DYNLT1: variants seen among roughly 807,000 people sequenced by gnomAD.
DYNLT1 encodes T-complex testis-specific protein 1 homolog.
In DYNLT1, 18 loss-of-function variants were observed where a neutral mutation model predicts 19.6. The observed-to-expected ratio is 0.92, with a 90% CI of 0.64 to 1.36. The LOEUF (loss-of-function observed/expected upper bound fraction) is 1.36, where lower values mean the gene tolerates loss of function less well. Ranked by LOEUF, DYNLT1 falls within the 40% of genes most tolerant of loss-of-function variation. The probability of loss-of-function intolerance (pLI) is 0.00; values close to 1 mark genes in which losing one functional copy is unlikely to be tolerated. For missense variants in DYNLT1, 137 were observed against 139.3 expected, an observed-to-expected ratio of 0.98 and a Z score of 0.08; for synonymous variants, 56 against 44.0, an observed-to-expected ratio of 1.27 and a Z score of -1.07.
chr6:158,637,275 G>A, intron 3 of DYNLT1, 70 bp from the exon 4 acceptor site: 1 of 1,410,528 alleles, frequency 7.1e-7, no homozygotes, highest in South Asian at 1.2e-5. Context: ...TCCACTTTTA[G>A]CAAACGTACA....
At chr6:158,640,177 C>G (rs1368523483) in intron 2 of DYNLT1, among the ~76,000 whole-genome samples, 2 of 152,068 alleles carry the variant, frequency 1.3e-5, no homozygotes, top group Non-Finnish European at 2.9e-5. Context: ...CCATGAAAAC[C>G]AAACGTACAG....
intron 2 of DYNLT1, among the ~76,000 whole-genome samples, chr6:158,640,118 C>T (rs1433183788): frequency 6.6e-6 from 1 of 152,216 alleles, no homozygotes; most frequent in African/African-American, 2.4e-5. Flanking sequence ...AATCCACCCA[C>T]CTTCCTGCCC....
At chr6:158,639,035 A>T (rs1787081718) in intron 2 of DYNLT1, among the ~76,000 whole-genome samples, 1 of 152,210 alleles carries the variant, frequency 6.6e-6, no homozygotes, top group Admixed American at 6.5e-5. Context: ...AACAACATTC[A>T]GTGAGGGCCA....
chr6:158,637,612 G>T, intron 3 of DYNLT1, 159 bp downstream of exon 3: 2 of 1,084,062 alleles, frequency 1.8e-6, no homozygotes, highest in East Asian at 2.5e-5. Context: ...GCAGCCAAAT[G>T]GTCAAGCGTA....
intron 2 of DYNLT1, among the ~76,000 whole-genome samples, chr6:158,638,188 C>T (rs186463349): frequency 2.0e-5 from 3 of 152,016 alleles, no homozygotes; most frequent in Non-Finnish European, 2.9e-5. Context: ...AGTATTTTGC[C>T]TATTCATTTC....
intron 2 of DYNLT1, among the ~76,000 whole-genome samples, chr6:158,639,810 A>G (rs1005837442): frequency 1.2e-4 from 19 of 152,044 alleles, no homozygotes; most frequent in Non-Finnish European, 1.5e-5. Flanking sequence ...CCTCCCAAGG[A>G]GCTGGGACTA....
intron 1 of DYNLT1, chr6:158,642,718 A>T (rs915261754): frequency 6.6e-6 from 1 of 152,260 alleles, no homozygotes; most frequent in East Asian, 1.9e-4. Flanking sequence ...GGATCCTTCC[A>T]AGTGACTACC....
intron 1 of DYNLT1, 77 bp from the exon 2 acceptor site, chr6:158,641,437 T>C (rs1019713764): frequency 4.1e-6 from 5 of 1,229,936 alleles, no homozygotes; most frequent in Non-Finnish European, 5.7e-6. Flanking sequence ...CAAATGTAGG[T>C]AATGAACATA....
At position 158,636,747 on chromosome 6, in the gene DYNLT1, A is replaced by AAG; in HGVS notation, c.*78_*79dup. On this transcript the variant is annotated 3_prime_UTR_variant, in exon 5 of 5. Coordinates refer to ENST00000367089, the MANE Select transcript of DYNLT1 (RefSeq NM_006519.4). Reference sequence around the variant, plus strand: ...TGCCACAAAACAAAGAGAATGAGAAAAGAGTTCACTGAATTCATGGCTGGT... The same window carrying AAG: ...TGCCACAAAACAAAGAGAATGAGAAAAGAGAGTTCACTGAATTCATGGCTGGT... 1 of 1,449,926 alleles carries AAG rather than the reference A, an allele frequency of 6.9e-7. No individual in the cohort carries two copies. The allele number at this position is 1,449,926 out of a possible 1,614,324, so 89.8% of individuals were successfully genotyped here.
chr6:158,638,214 T>C (rs1156884419), intron 2 of DYNLT1, among the ~76,000 whole-genome samples: 1 of 152,168 alleles, frequency 6.6e-6, no homozygotes, highest in Non-Finnish European at 1.5e-5. Flanking sequence ...AGTATATTAC[T>C]TTTATCTACT....
rs188545328 is a variant in DYNLT1 at position 158,637,667 on chromosome 6, T to G, written c.193+104A>C. ...CACGACCGACTCCCACCAGGAGCCTTCCTTGAGTTGAGCCACGTTAGCTGT... is the reference window on the plus strand; with the variant it reads ...CACGACCGACTCCCACCAGGAGCCTGCCTTGAGTTGAGCCACGTTAGCTGT... On this transcript the variant is annotated intron_variant, in intron 3 of 4. Transcript: ENST00000367089. 1.4e-5 allele frequency: 22 copies of G among 1,588,140 alleles called. No homozygotes were observed. The East Asian group carries it at 4.3e-4, about 31-fold the overall frequency.
intron 2 of DYNLT1, among the ~76,000 whole-genome samples, chr6:158,641,071 T>C (rs1449310315): frequency 6.6e-6 from 1 of 152,238 alleles, no homozygotes; most frequent in East Asian, 1.9e-4. Context: ...TAAAAGATTA[T>C]AGAATCAAAT....
In DYNLT1 at chr6:158,636,647, A is replaced by G. The variant is rs2128336717; in HGVS notation, c.*180T>C. ...GCAACGCAGGCTGCAGGTGACCTAC[A>G]GGGATACTCATCTGACTTCGGTGCC... On this transcript the variant is annotated 3_prime_UTR_variant, in exon 5 of 5. Transcript: ENST00000367089. 3 of 616,128 alleles carry G rather than the reference A, an allele frequency of 4.9e-6. No individual in the cohort carries two copies. Among genetic ancestry groups the G allele is most frequent in the South Asian group, 4.0e-5 (2 of 49,828 alleles). The allele number at this position is 616,128 out of a possible 1,614,324, so 38.2% of individuals were successfully genotyped here. A position where few individuals can be genotyped will look rare whatever the true frequency, so the allele number is the denominator to read the frequency against.
At chr6:158,641,276 A>G (rs1421755933) in intron 2 of DYNLT1, 43 bp downstream of exon 2, 9 of 1,540,878 alleles carry the variant, frequency 5.8e-6, no homozygotes, top group South Asian at 1.2e-5. Flanking sequence ...TTTCTCTAAT[A>G]TAAGCCATTA....
At chr6:158,641,446 T>C (rs1322260987) in intron 1 of DYNLT1, 86 bp from the exon 2 acceptor site, 11 of 1,223,506 alleles carry the variant, frequency 9.0e-6, no homozygotes, top group African/African-American at 6.2e-5. Context: ...GTAATGAACA[T>C]AATGTAGAAA....
chr6:158,641,175 G>C (rs570289673), intron 2 of DYNLT1, 144 bp downstream of exon 2: 1 of 627,616 alleles, frequency 1.6e-6, no homozygotes, highest in Non-Finnish European at 2.6e-6. Flanking sequence ...CTCTTATCTA[G>C]CTATTTACTG....
chr6:158,643,642 C>T (rs1197640136), intron 1 of DYNLT1, among the ~76,000 whole-genome samples: 2 of 152,042 alleles, frequency 1.3e-5, no homozygotes, highest in East Asian at 3.9e-4. Context: ...CCACCACGCC[C>T]GGCTAATTTT....
rs921142821 is a variant in DYNLT1, at chr6:158,636,478, G to A, written c.*349C>T. Reference sequence around the variant, plus strand: ...ACTATGAAGAACACAACAGACTTTAGATTTGAATAATTTATTCTAACAAAA... The same window carrying A: ...ACTATGAAGAACACAACAGACTTTAAATTTGAATAATTTATTCTAACAAAA... On this transcript the variant is annotated 3_prime_UTR_variant, in exon 5 of 5. Transcript: ENST00000367089. 7 of 261,224 alleles carry A rather than the reference G, an allele frequency of 2.7e-5. No homozygotes were observed. Among genetic ancestry groups the A allele is most frequent in the Admixed American group, 4.8e-5 (1 of 20,788 alleles). 16.2% of individuals were successfully genotyped at this position (261,224 alleles called of 1,614,324 possible).
Position 158,637,291 on chromosome 6 carries a change from T to G in DYNLT1, c.194-86A>C, listed in dbSNP as rs1297228630. Reference sequence around the variant, plus strand: ...CCACTTTTAGCAAACGTACAATGTATGTAGCTCCACGTGGTTGATGTTCTC... The same window carrying G: ...CCACTTTTAGCAAACGTACAATGTAGGTAGCTCCACGTGGTTGATGTTCTC... On this transcript the variant is annotated intron_variant, in intron 3 of 4. Transcript: ENST00000367089. The G allele has an allele frequency of 3.3e-6, 4 of 1,213,542 alleles. No homozygotes were observed. In the Admixed American group the frequency reaches 8.0e-5, roughly 24 times the overall value. The allele number at this position is 1,213,542 out of a possible 1,614,324, so 75.2% of individuals were successfully genotyped here. A position where few individuals can be genotyped will look rare whatever the true frequency, so the allele number is the denominator to read the frequency against.
Sources: gnomAD v4.1 joint callset for allele counts (sites outside exome capture counted in the v4.1 genomes callset) on GRCh38, gnomAD v4.1.1 for gene constraint, MANE v1.5 for transcripts, NCBI Gene and HGNC (gene_info 2026-07-23, HGNC 2026-07-21) for gene names.